The following OR6Q1 variants were observed in gnomAD, a reference collection of about 807,000 sequenced individuals.
The protein encoded by OR6Q1 is olfactory receptor 6Q1.
For missense variants in OR6Q1, 387 were observed against 381.7 expected, an observed-to-expected ratio of 1.01 and a Z score of -0.12; for synonymous variants, 144 against 148.9, an observed-to-expected ratio of 0.97 and a Z score of 0.24.
chr11:58,031,828 C>T lies in OR6Q1; in HGVS notation c.876C>T (p.Leu292=). The stretch of plus-strand genomic sequence containing the variant: ...TTGTCACGCCCATGCTCAATCCTCT[C>T]ATCTACAGTCTTAGGAACAAGGAAG... ...YSVVTPMLNP[L]IYSLRNKEVK... Residue 292 remains leucine, a synonymous_variant, in exon 1 of 1, where the codon CTC becomes CTT. Coordinates refer to ENST00000302622, the MANE Select transcript of OR6Q1 (RefSeq NM_001005186.2). 1.2e-6 allele frequency: 2 copies of T among 1,614,138 alleles called. No individual in the cohort carries two copies. Among genetic ancestry groups the T allele is most frequent in the Non-Finnish European group, 1.7e-6 (2 of 1,179,962 alleles).
rs770500138 is a variant in OR6Q1 at position 58,031,656 on chromosome 11, C to A, written c.704C>A (p.Ala235Asp). 1 of 1,613,980 alleles carries A rather than the reference C, an allele frequency of 6.2e-7. No homozygotes were observed. Among genetic ancestry groups the A allele is most frequent in the African/African-American group, 1.3e-5 (1 of 75,044 alleles). Reference protein sequence around the residue: ...IVWTLLHIRSAAERWKAFSTC... With the variant: ...IVWTLLHIRSDAERWKAFSTC... ...TGGACACTGCTGCACATCCGCTCAG[C>A]TGCTGAGCGCTGGAAGGCCTTCTCT... is the stretch of plus-strand genomic sequence containing the variant. Residue 235 changes from alanine (A) to aspartate (D), a missense_variant, in exon 1 of 1, where the codon GCT (alanine) becomes GAT (aspartate). Physicochemically the swap from Ala to Asp is moderately radical, Grantham distance 126. Transcript: ENST00000302622.
Position 58,031,422 on chromosome 11 carries a change from T to C in OR6Q1, c.470T>C (p.Phe157Ser), listed in dbSNP as rs1481962736. The change falls in exon 1 of 1, where the codon TTC becomes TCC. Residue 157 changes from phenylalanine (F) to serine (S), a missense_variant. Phe to Ser is a radical substitution (Grantham distance 155). Transcript: ENST00000302622. ...RLAAACWLVG[F>S]LTPILPIYLL... ...GCAGCTGCCTGTTGGCTGGTAGGTT[T>C]CCTCACACCCATCTTGCCAATCTAC... 6.2e-7 allele frequency: 1 copy of C among 1,614,182 alleles called. No individual in the cohort carries two copies. Among genetic ancestry groups the C allele is most frequent in the Admixed American group, 1.7e-5 (1 of 60,022 alleles).
Position 58,031,209 on chromosome 11 carries a change from G to T in OR6Q1, c.257G>T (p.Gly86Val). 6.2e-7 allele frequency: 1 copy of T among 1,614,168 alleles called. No individual in the cohort carries two copies. Among genetic ancestry groups the T allele is most frequent in the Non-Finnish European group, 8.5e-7 (1 of 1,180,022 alleles). ...TSVTVPKMLA[G>V]FIGVDGGKNI... ...GTTACAGTGCCCAAGATGCTGGCTG[G>T]TTTTATTGGGGTGGATGGTGGCAAG... Residue 86 changes from glycine to valine, a missense_variant, in exon 1 of 1, where the codon GGT becomes GTT. Physicochemically the swap from Gly to Val is moderately radical, Grantham distance 109. Coordinates refer to ENST00000302622, the MANE Select transcript of OR6Q1 (RefSeq NM_001005186.2).
At position 58,031,148 on chromosome 11, in the gene OR6Q1, A is replaced by G; in HGVS notation, c.196A>G (p.Thr66Ala). ...ACGGAGACCCATGTATTTCTTCCTG[A>G]CACACTTGTCCTGCCTTGAAATCTG... ...RLRRPMYFFLTHLSCLEIWYT... is the reference protein window; with the variant it reads ...RLRRPMYFFLAHLSCLEIWYT... The change falls in exon 1 of 1, where the codon ACA becomes GCA. Residue 66 changes from threonine (T) to alanine (A), a missense_variant. Physicochemically the swap from Thr to Ala is moderately conservative, Grantham distance 58. Coordinates refer to ENST00000302622, the MANE Select transcript of OR6Q1 (RefSeq NM_001005186.2). 6.2e-7 allele frequency: 1 copy of G among 1,614,166 alleles called. No homozygotes were observed.
chr11:58,031,289 G>A lies in OR6Q1; in HGVS notation c.337G>A (p.Ala113Thr), dbSNP rs1456964346. The A allele has an allele frequency of 1.1e-5, 18 of 1,613,988 alleles. No individual in the cohort carries two copies. Among genetic ancestry groups the A allele is most frequent in the African/African-American group, 4.0e-5 (3 of 74,890 alleles). ...SQLFIFTFLG[A>T]TECFLLAAMA... is the part of the protein sequence containing the mutation. ...GCTCTTCATCTTCACCTTTCTTGGGGCAACTGAGTGTTTCCTACTGGCTGC... is the reference window on the plus strand; with the variant it reads ...GCTCTTCATCTTCACCTTTCTTGGGACAACTGAGTGTTTCCTACTGGCTGC... The change falls in exon 1 of 1, where the codon GCA becomes ACA. Residue 113 changes from alanine to threonine, a missense_variant. By Grantham distance (58) the Ala-to-Thr change is moderately conservative. Coordinates refer to ENST00000302622, the MANE Select transcript of OR6Q1 (RefSeq NM_001005186.2).
At position 58,031,482 on chromosome 11, in the gene OR6Q1, T is replaced by A; in HGVS notation, c.530T>A (p.Val177Asp). 6.2e-7 allele frequency: 1 copy of A among 1,614,156 alleles called. No homozygotes were observed. The highest frequency in any genetic ancestry group is 8.5e-7 in the Non-Finnish European group (1 of 1,180,016). Reference sequence around the variant, plus strand: ...CAGCTAACATTTTATGGCCCAAATGTCATTGACCATTTCTCCTGTGATGCC... The same window carrying A: ...CAGCTAACATTTTATGGCCCAAATGACATTGACCATTTCTCCTGTGATGCC... ...LSQLTFYGPN[V>D]IDHFSCDASP... Residue 177 changes from valine to aspartate, a missense_variant, in exon 1 of 1, where the codon GTC becomes GAC. Coordinates refer to ENST00000302622, the MANE Select transcript of OR6Q1 (RefSeq NM_001005186.2).
chr11:58,031,594 C>T lies in OR6Q1; in HGVS notation c.642C>T (p.Ser214=). ...TGTCTCTGGCTGTGCTACTGGCCTC[C>T]TCTATGGTCATTGCTGTGTCCTATG... The part of the protein sequence containing the change: ...FLVSLAVLLA[S]SMVIAVSYGN... Residue 214 remains serine, a synonymous_variant, in exon 1 of 1, where the codon TCC becomes TCT. Coordinates refer to ENST00000302622, the MANE Select transcript of OR6Q1 (RefSeq NM_001005186.2). 1.2e-6 allele frequency: 2 copies of T among 1,614,078 alleles called. No individual in the cohort carries two copies. The highest frequency in any genetic ancestry group is 1.1e-5 in the South Asian group (1 of 91,078).
Position 58,031,197 on chromosome 11 carries a change from A to G in OR6Q1, c.245A>G (p.Lys82Arg). Residue 82 changes from lysine (K) to arginine (R), a missense_variant, in exon 1 of 1, where the codon AAG becomes AGG. Physicochemically the swap from Lys to Arg is conservative, Grantham distance 26 (BLOSUM62 2). Coordinates refer to ENST00000302622, the MANE Select transcript of OR6Q1 (RefSeq NM_001005186.2). The part of the protein sequence containing the change: ...EIWYTSVTVP[K>R]MLAGFIGVDG... ...TGGTACACTTCTGTTACAGTGCCCA[A>G]GATGCTGGCTGGTTTTATTGGGGTG... is the stretch of plus-strand genomic sequence containing the variant. The G allele has an allele frequency of 6.2e-7, 1 of 1,614,178 alleles. No individual in the cohort carries two copies. The highest frequency in any genetic ancestry group is 8.5e-7 in the Non-Finnish European group (1 of 1,180,006).
At position 58,031,384 on chromosome 11, in the gene OR6Q1, C is replaced by T; in HGVS notation, c.432C>T (p.Thr144=). The T allele has an allele frequency of 6.2e-7, 1 of 1,614,212 alleles. No individual in the cohort carries two copies. Among genetic ancestry groups the T allele is most frequent in the Non-Finnish European group, 8.5e-7 (1 of 1,180,038 alleles). Residue 144 remains threonine, a synonymous_variant, in exon 1 of 1, where the codon ACC becomes ACT. Coordinates refer to ENST00000302622, the MANE Select transcript of OR6Q1 (RefSeq NM_001005186.2). ...LHYGAFVSWG[T]CIRLAAACWL... ...ATGGGGCTTTTGTGTCCTGGGGCAC[C>T]TGCATCCGTCTGGCAGCTGCCTGTT...
Position 58,031,736 on chromosome 11 carries a change from A to G in OR6Q1, c.784A>G (p.Met262Val), listed in dbSNP as rs1853042443. 6.2e-7 allele frequency: 1 copy of G among 1,613,856 alleles called. No homozygotes were observed. The highest frequency in any genetic ancestry group is 1.7e-5 in the Admixed American group (1 of 59,974). Residue 262 changes from methionine to valine, a missense_variant, in exon 1 of 1, where the codon ATG (methionine) becomes GTG (valine). Transcript: ENST00000302622. ...CCTCTTCTATGGCACTCTTTTCTTT[A>G]TGTATGTCCAGACCAAGGTGACCTC... ...VSLFYGTLFF[M>V]YVQTKVTSSI... is the part of the protein sequence containing the mutation.
rs1853039846 is a variant in OR6Q1 at position 58,031,609 on chromosome 11, T to C, written c.657T>C (p.Ala219=). 1 of 1,613,428 alleles carries C rather than the reference T, an allele frequency of 6.2e-7. No homozygotes were observed. Among genetic ancestry groups the C allele is most frequent in the African/African-American group, 1.3e-5 (1 of 74,790 alleles). Residue 219 remains alanine, a synonymous_variant, in exon 1 of 1, where the codon GCT becomes GCC. Transcript: ENST00000302622. ...AVLLASSMVI[A]VSYGNIVWTL... The stretch of plus-strand genomic sequence containing the variant: ...TACTGGCCTCCTCTATGGTCATTGC[T>C]GTGTCCTATGGCAACATCGTCTGGA...
rs1362939159 is a variant in OR6Q1, at chr11:58,031,542, C to T, written c.590C>T (p.Thr197Ile). The T allele has an allele frequency of 3.1e-6, 5 of 1,614,076 alleles. No homozygotes were observed. The South Asian group carries it at 5.5e-5, about 18-fold the overall frequency. The change falls in exon 1 of 1, where the codon ACT (threonine) becomes ATT (isoleucine). Residue 197 changes from threonine to isoleucine, a missense_variant. Physicochemically the swap from Thr to Ile is moderately conservative, Grantham distance 89 (BLOSUM62 -1). Coordinates refer to ENST00000302622, the MANE Select transcript of OR6Q1 (RefSeq NM_001005186.2). ...PLLALSCSDV[T>I]WKETVDFLVS... Reference sequence around the variant, plus strand: ...CTAGCCTTGTCGTGCTCAGATGTCACTTGGAAGGAGACTGTGGATTTCCTG... The same window carrying T: ...CTAGCCTTGTCGTGCTCAGATGTCATTTGGAAGGAGACTGTGGATTTCCTG...
Position 58,031,338 on chromosome 11 carries a change from C to T in OR6Q1, c.386C>T (p.Ala129Val), listed in dbSNP as rs1853032892. 6.2e-7 allele frequency: 1 copy of T among 1,614,004 alleles called. No individual in the cohort carries two copies. Among genetic ancestry groups the T allele is most frequent in the Non-Finnish European group, 8.5e-7 (1 of 1,180,012 alleles). ...GCCATGGCCTATGATCGTTATGTGG[C>T]CATTTGTATGCCTCTCCACTATGGG... ...LAAMAYDRYVAICMPLHYGAF... is the reference protein window; with the variant it reads ...LAAMAYDRYVVICMPLHYGAF... The change falls in exon 1 of 1, where the codon GCC becomes GTC. Residue 129 changes from alanine to valine, a missense_variant. Coordinates refer to ENST00000302622, the MANE Select transcript of OR6Q1 (RefSeq NM_001005186.2).
rs751349132 is a variant in OR6Q1, at chr11:58,031,476, C to G, written c.524C>G (p.Pro175Arg). 1 of 1,614,112 alleles carries G rather than the reference C, an allele frequency of 6.2e-7. No individual in the cohort carries two copies. The highest frequency in any genetic ancestry group is 8.5e-7 in the Non-Finnish European group (1 of 1,179,984). Reference sequence around the variant, plus strand: ...TTGTCTCAGCTAACATTTTATGGCCCAAATGTCATTGACCATTTCTCCTGT... The same window carrying G: ...TTGTCTCAGCTAACATTTTATGGCCGAAATGTCATTGACCATTTCTCCTGT... ...YLLSQLTFYG[P>R]NVIDHFSCDA... Residue 175 changes from proline (P) to arginine (R), a missense_variant, in exon 1 of 1, where the codon CCA becomes CGA. Coordinates refer to ENST00000302622, the MANE Select transcript of OR6Q1 (RefSeq NM_001005186.2).
Position 58,031,370 on chromosome 11 carries a change from G to T in OR6Q1, c.418G>T (p.Val140Leu), listed in dbSNP as rs1853033504. ...ICMPLHYGAF[V>L]SWGTCIRLAA... ...TATGCCTCTCCACTATGGGGCTTTT[G>T]TGTCCTGGGGCACCTGCATCCGTCT... Residue 140 changes from valine (V) to leucine (L), a missense_variant, in exon 1 of 1, where the codon GTG becomes TTG. By Grantham distance (32) the Val-to-Leu change is conservative (BLOSUM62 1). Transcript: ENST00000302622. The T allele has an allele frequency of 6.2e-7, 1 of 1,614,036 alleles. No homozygotes were observed. The highest frequency in any genetic ancestry group is 8.5e-7 in the Non-Finnish European group (1 of 1,180,040).
chr11:58,031,310 G>T lies in OR6Q1; in HGVS notation c.358G>T (p.Ala120Ser). The T allele has an allele frequency of 1.2e-6, 2 of 1,614,070 alleles. No individual in the cohort carries two copies. The highest frequency in any genetic ancestry group is 1.7e-6 in the Non-Finnish European group (2 of 1,180,012). The part of the protein sequence containing the change: ...FLGATECFLL[A>S]AMAYDRYVAI... ...TGGGGCAACTGAGTGTTTCCTACTGGCTGCCATGGCCTATGATCGTTATGT... is the reference window on the plus strand; with the variant it reads ...TGGGGCAACTGAGTGTTTCCTACTGTCTGCCATGGCCTATGATCGTTATGT... The change falls in exon 1 of 1, where the codon GCT becomes TCT. Residue 120 changes from alanine (A) to serine (S), a missense_variant. Physicochemically the swap from Ala to Ser is moderately conservative, Grantham distance 99. Transcript: ENST00000302622.
In OR6Q1 at chr11:58,031,474, C is replaced by A. The variant is rs1247871056; in HGVS notation, c.522C>A (p.Gly174=). The A allele has an allele frequency of 1.2e-6, 2 of 1,614,084 alleles. No homozygotes were observed. The highest frequency in any genetic ancestry group is 2.2e-5 in the South Asian group (2 of 91,080). ...TCTTGTCTCAGCTAACATTTTATGGCCCAAATGTCATTGACCATTTCTCCT... is the reference window on the plus strand; with the variant it reads ...TCTTGTCTCAGCTAACATTTTATGGACCAAATGTCATTGACCATTTCTCCT... The part of the protein sequence containing the change: ...IYLLSQLTFY[G]PNVIDHFSCD... The change falls in exon 1 of 1, where the codon GGC becomes GGA. Residue 174 remains glycine (G), a synonymous_variant. Coordinates refer to ENST00000302622, the MANE Select transcript of OR6Q1 (RefSeq NM_001005186.2).
chr11:58,031,151 C>T lies in OR6Q1; in HGVS notation c.199C>T (p.His67Tyr), dbSNP rs763732066. Residue 67 changes from histidine (H) to tyrosine (Y), a missense_variant, in exon 1 of 1, where the codon CAC becomes TAC. By Grantham distance (83) the His-to-Tyr change is moderately conservative (BLOSUM62 2). Transcript: ENST00000302622. ...LRRPMYFFLT[H>Y]LSCLEIWYTS... is the part of the protein sequence containing the mutation. Reference sequence around the variant, plus strand: ...GAGACCCATGTATTTCTTCCTGACACACTTGTCCTGCCTTGAAATCTGGTA... The same window carrying T: ...GAGACCCATGTATTTCTTCCTGACATACTTGTCCTGCCTTGAAATCTGGTA... 4 of 1,614,066 alleles carry T rather than the reference C, an allele frequency of 2.5e-6. No homozygotes were observed. The highest frequency in any genetic ancestry group is 3.4e-6 in the Non-Finnish European group (4 of 1,180,034).
chr11:58,031,201 G>T lies in OR6Q1; in HGVS notation c.249G>T (p.Met83Ile). Residue 83 changes from methionine to isoleucine, a missense_variant, in exon 1 of 1, where the codon ATG (methionine) becomes ATT (isoleucine). Transcript: ENST00000302622. Reference sequence around the variant, plus strand: ...ACACTTCTGTTACAGTGCCCAAGATGCTGGCTGGTTTTATTGGGGTGGATG... The same window carrying T: ...ACACTTCTGTTACAGTGCCCAAGATTCTGGCTGGTTTTATTGGGGTGGATG... ...IWYTSVTVPK[M>I]LAGFIGVDGG... The T allele has an allele frequency of 6.2e-7, 1 of 1,614,146 alleles. No individual in the cohort carries two copies. Among genetic ancestry groups the T allele is most frequent in the Non-Finnish European group, 8.5e-7 (1 of 1,180,002 alleles).
Sources: gnomAD v4.1 joint callset for allele counts on GRCh38, gnomAD v4.1.1 for gene constraint, MANE v1.5 for transcripts, NCBI Gene and HGNC (gene_info 2026-07-23, HGNC 2026-07-21) for gene names.